Variants in CHRAC1 observed in about 807,000 individuals in gnomAD.
The protein encoded by CHRAC1 is chromatin accessibility complex subunit 1.
A neutral mutation model predicts 9.1 loss-of-function variants in CHRAC1; 6 were observed. The observed-to-expected ratio is 0.66, with a 90% confidence interval of 0.36 to 1.29. CHRAC1 has a LOEUF of 1.29. CHRAC1 is among the 50% of genes most tolerant of loss of function. The pLI, the probability that CHRAC1 is intolerant of heterozygous loss-of-function variation, is 0.03. For synonymous variants in CHRAC1, 73 were observed against 64.5 expected (o/e 1.13, Z -0.63); for missense variants, 168 against 163.5 (o/e 1.03, Z -0.15).
In CHRAC1 at chr8:140,511,489, C is replaced by T. The variant is rs2072272412; in HGVS notation, c.-11C>T. The T allele has an allele frequency of 3.8e-6, 5 of 1,315,956 alleles. No individual in the cohort carries two copies. The highest frequency in any genetic ancestry group is 4.9e-6 in the Non-Finnish European group (5 of 1,020,828). The allele number at this position is 1,315,956 out of a possible 1,614,324, so 81.5% of individuals were successfully genotyped here. A position where few individuals can be genotyped will look rare whatever the true frequency, so the allele number is the denominator to read the frequency against. ...CCGCCGGCTGCGGGCACCCGCGCGA[C>T]GGGCGGGAAGATGGCGGACGTGGTC... is the stretch of plus-strand genomic sequence containing the variant. On this transcript the variant is annotated 5_prime_UTR_variant, in exon 1 of 3. It adds an upstream start codon to the 5' untranslated region. Coordinates refer to ENST00000220913, the MANE Select transcript of CHRAC1 (RefSeq NM_017444.6).
At chr8:140,514,739 G>T in intron 2 of CHRAC1, 1 of 398,300 alleles carries the variant, frequency 2.5e-6, no homozygotes, top group Admixed American at 4.6e-5. Context: ...GGTTGGCCGC[G>T]TATGCTGGGC....
rs1417564947 is a variant in CHRAC1 at position 140,511,780 on chromosome 8, T to TC, written c.147+138dup. 3.2e-6 allele frequency: 3 copies of TC among 926,384 alleles called. No individual in the cohort carries two copies. The Admixed American group carries it at 8.8e-5, about 27-fold the overall frequency. 57.4% of individuals were successfully genotyped at this position (926,384 alleles called of 1,614,324 possible). A position where few individuals can be genotyped will look rare whatever the true frequency, so the allele number is the denominator to read the frequency against. ...TGCCGGGCTCGCGCGCGCCCCGCTG[T>TC]CCCCGTCCCACGCCGGCGCGCGCTT... On this transcript the variant is annotated intron_variant, in intron 1 of 2. Coordinates refer to ENST00000220913, the MANE Select transcript of CHRAC1 (RefSeq NM_017444.6).
At chr8:140,511,833 C>T (rs1248077305) in intron 1 of CHRAC1, 187 bp downstream of exon 1, 5 of 772,920 alleles carry the variant, frequency 6.5e-6, no homozygotes, top group Non-Finnish European at 1.0e-5. Flanking sequence ...CACACTTTCT[C>T]GCGCGTCTTC....
chr8:140,514,825 G>C (rs2072317624), intron 2 of CHRAC1: 1 of 371,066 alleles, frequency 2.7e-6, no homozygotes, highest in South Asian at 3.6e-5. Flanking sequence ...GCCGTAGTTA[G>C]AGCTTAAGTC....
chr8:140,511,750 G>A, intron 1 of CHRAC1, 104 bp downstream of exon 1: 2 of 1,076,780 alleles, frequency 1.9e-6, no homozygotes, highest in Non-Finnish European at 2.4e-6. Context: ...GCCGCCGGCT[G>A]CTCTTGCCGG....
At chr8:140,511,983 C>T in intron 1 of CHRAC1, 2 of 1,295,084 alleles carry the variant, frequency 1.5e-6, no homozygotes, top group Non-Finnish European at 2.0e-6. Flanking sequence ...GCCCACCCCA[C>T]TGTCCTCCCG....
rs2072336949 is a variant in CHRAC1, at chr8:140,516,320, G to T, written c.*1073G>T. ...GTGCCACCATGCCCAACCTATTTTTGTATTTTTTAGTAGAGACGGGGTTCA... is the reference window on the plus strand; with the variant it reads ...GTGCCACCATGCCCAACCTATTTTTTTATTTTTTAGTAGAGACGGGGTTCA... On this transcript the variant is annotated 3_prime_UTR_variant, in exon 3 of 3. Coordinates refer to ENST00000220913, the MANE Select transcript of CHRAC1 (RefSeq NM_017444.6). 6.6e-6 allele frequency: 1 copy of T among 151,338 alleles called. No individual in the cohort carries two copies. 9.4% of individuals were successfully genotyped at this position (151,338 alleles called of 1,614,324 possible). A position where few individuals can be genotyped will look rare whatever the true frequency, so the allele number is the denominator to read the frequency against.
At position 140,511,383 on chromosome 8, in the gene CHRAC1, A is replaced by G. The variant is rs1225499563; in HGVS notation, c.-117A>G. 1.0e-6 allele frequency: 1 copy of G among 976,352 alleles called. No individual in the cohort carries two copies. 60.5% of individuals were successfully genotyped at this position (976,352 alleles called of 1,614,324 possible). ...CGGCCTCGCGGCCTCGCCTCCCCAC[A>G]CTACAACTCCCACGGGGCAGCGGGC... On this transcript the variant is annotated 5_prime_UTR_variant, in exon 1 of 3. Transcript: ENST00000220913.
At chr8:140,513,635 C>CG (rs1036504844) in intron 1 of CHRAC1, among the ~76,000 whole-genome samples, 1 of 150,836 alleles carries the variant, frequency 6.6e-6, no homozygotes, top group Non-Finnish European at 1.5e-5. Context: ...TTAGTAGAGA[C>CG]GGGGTTTCAC....
At position 140,514,511 on chromosome 8, in the gene CHRAC1, A is replaced by G. The variant is rs896087640; in HGVS notation, c.274+16A>G. On this transcript the variant is annotated intron_variant, in intron 2 of 2. Coordinates refer to ENST00000220913, the MANE Select transcript of CHRAC1 (RefSeq NM_017444.6). ...TTTCTTGCAGGTACTTAGTCTTTGA[A>G]ACATTCTGGTTAAAAAATGATTAGT... The G allele has an allele frequency of 7.8e-6, 12 of 1,536,562 alleles. No homozygotes were observed. Among genetic ancestry groups the G allele is most frequent in the East Asian group, 4.8e-5 (2 of 41,298 alleles).
Position 140,511,588 on chromosome 8 carries a change from G to A in CHRAC1, c.89G>A (p.Ser30Asn). ...TCCCGCATCCGGGTCATCATGAAGA[G>A]CTCCCCCGAGGTGTCCAGCATCAAC... ...PLSRIRVIMK[S>N]SPEVSSINQE... Residue 30 changes from serine (S) to asparagine (N), a missense_variant, in exon 1 of 3, where the codon AGC (serine) becomes AAC (asparagine). Transcript: ENST00000220913. 6.7e-7 allele frequency: 1 copy of A among 1,491,222 alleles called. No homozygotes were observed. The highest frequency in any genetic ancestry group is 2.7e-5 in the East Asian group (1 of 36,642). The allele number at this position is 1,491,222 out of a possible 1,614,324, so 92.4% of individuals were successfully genotyped here.
At chr8:140,513,984 C>T (rs1368677147) in intron 1 of CHRAC1, among the ~76,000 whole-genome samples, 1 of 139,178 alleles carries the variant, frequency 7.2e-6, no homozygotes, top group Non-Finnish European at 1.5e-5. Context: ...GCTGCAATCT[C>T]CAACCTCCAC....
chr8:140,512,285 A>G (rs2072285878), intron 1 of CHRAC1, among the ~76,000 whole-genome samples: 2 of 149,998 alleles, frequency 1.3e-5, no homozygotes, highest in Admixed American at 1.3e-4. Flanking sequence ...CGGGCGCTTC[A>G]CCCGCGACTC....
chr8:140,513,435 T>G (rs955553915), intron 1 of CHRAC1, among the ~76,000 whole-genome samples: 1 of 149,348 alleles, frequency 6.7e-6, no homozygotes, highest in Non-Finnish European at 1.5e-5. Context: ...CTACTTTCTA[T>G]TTTTTTTTCT....
chr8:140,511,930 C>G (rs1177765795), intron 1 of CHRAC1: 3 of 1,245,954 alleles, frequency 2.4e-6, no homozygotes, highest in Non-Finnish European at 3.2e-6. Flanking sequence ...TGTCGCCTTC[C>G]TTCGCTCCGC....
chr8:140,511,768 C>T, intron 1 of CHRAC1, 122 bp downstream of exon 1: 1 of 942,002 alleles, frequency 1.1e-6, no homozygotes, highest in South Asian at 2.5e-5. Flanking sequence ...CGGGCTCGCG[C>T]GCGCCCCGCT....
chr8:140,516,912 G>T lies in CHRAC1; in HGVS notation c.*1665G>T, dbSNP rs1481766861. ...CCATGCAGTAAATAGTTCAAGCTTTGTGGGCTTTTATAGTCTCTGTTGCTG... is the reference window on the plus strand; with the variant it reads ...CCATGCAGTAAATAGTTCAAGCTTTTTGGGCTTTTATAGTCTCTGTTGCTG... On this transcript the variant is annotated 3_prime_UTR_variant, in exon 3 of 3. Transcript: ENST00000220913. The T allele has an allele frequency of 6.6e-6, 1 of 152,244 alleles. No individual in the cohort carries two copies. The highest frequency in any genetic ancestry group is 1.9e-4 in the East Asian group (1 of 5,192). 9.4% of individuals were successfully genotyped at this position (152,244 alleles called of 1,614,324 possible).
chr8:140,511,512 G>A lies in CHRAC1; in HGVS notation c.13G>A (p.Val5Ile). MADV[V>I]VGKDKGGEQR... ...GACGGGCGGGAAGATGGCGGACGTG[G>A]TCGTGGGTAAAGACAAGGGCGGGGA... Residue 5 changes from valine to isoleucine, a missense_variant, in exon 1 of 3, where the codon GTC becomes ATC. Val to Ile is a conservative substitution (Grantham distance 29). Transcript: ENST00000220913. 3 of 1,354,352 alleles carry A rather than the reference G, an allele frequency of 2.2e-6. No individual in the cohort carries two copies. The highest frequency in any genetic ancestry group is 1.9e-6 in the Non-Finnish European group (2 of 1,044,754). 83.9% of individuals were successfully genotyped at this position (1,354,352 alleles called of 1,614,324 possible).
chr8:140,511,951 C>G, intron 1 of CHRAC1: 1 of 1,293,528 alleles, frequency 7.7e-7, no homozygotes, highest in Non-Finnish European at 1.0e-6. Context: ...CCGCCCCTTC[C>G]TTCCGTGCGC....
Sources: gnomAD v4.1 joint callset for allele counts (sites outside exome capture counted in the v4.1 genomes callset) on GRCh38, gnomAD v4.1.1 for gene constraint, MANE v1.5 for transcripts, NCBI Gene and HGNC (gene_info 2026-07-23, HGNC 2026-07-21) for gene names.